Variants in RPA2 observed in about 807,000 individuals in gnomAD.
RPA2 encodes replication protein A2.
RPA2 carries 22 observed loss-of-function variants against 33.4 expected under a neutral mutation model. That is an observed-to-expected ratio of 0.66 (90% CI 0.47 to 0.94). The LOEUF is 0.94. Ranked by LOEUF, RPA2 falls within the 40% of genes least tolerant of loss-of-function variation. The pLI is 0.00. For synonymous variants in RPA2, 109 were observed against 114.9 expected, an observed-to-expected ratio of 0.95 and a Z score of 0.33; for missense variants, 279 against 329.9, an observed-to-expected ratio of 0.85 and a Z score of 1.19.
At chr1:27,913,925 AAG>A in intron 2 of RPA2, 136 bp downstream of exon 2, 1 of 832,928 alleles carries the variant, frequency 1.2e-6, no homozygotes, top group Non-Finnish European at 1.7e-6. Flanking sequence ...ACTTAATTAT[AAG>A]AGATGCAGAT....
chr1:27,904,455 C>A (rs1245251346), intron 4 of RPA2, among the ~76,000 whole-genome samples: 1 of 152,116 alleles, frequency 6.6e-6, no homozygotes, highest in Non-Finnish European at 1.5e-5. Flanking sequence ...TACCTCCCTG[C>A]TTGATGGCAG....
chr1:27,897,149 A>G (rs2089903929), intron 5 of RPA2, 28 bp from the exon 6 acceptor site: 1 of 1,475,430 alleles, frequency 6.8e-7, no homozygotes, highest in Admixed American at 1.7e-5. Flanking sequence ...AAAAATGTGA[A>G]TAAAATATGA....
chr1:27,899,684 TTTTTC>T (rs1237250843), intron 4 of RPA2, among the ~76,000 whole-genome samples: 1 of 151,834 alleles, frequency 6.6e-6, no homozygotes, highest in African/African-American at 2.4e-5. Context: ...ATGAACAATT[TTTTTC>T]TTTTTTTTTG....
At chr1:27,897,587 T>C (rs2089908688) in intron 5 of RPA2, 46 bp downstream of exon 5, 2 of 1,412,362 alleles carry the variant, frequency 1.4e-6, no homozygotes, top group Non-Finnish European at 1.9e-6. Flanking sequence ...ATCTAGAAAC[T>C]GCTTCATGCA....
intron 4 of RPA2, among the ~76,000 whole-genome samples, chr1:27,904,412 T>A (rs1326772961): frequency 6.6e-6 from 1 of 152,152 alleles, no homozygotes; most frequent in Non-Finnish European, 1.5e-5. Flanking sequence ...GTGCATTTTA[T>A]ATGAACAAGT....
chr1:27,899,776 G>A (rs1408350960), intron 4 of RPA2, among the ~76,000 whole-genome samples: 2 of 152,064 alleles, frequency 1.3e-5, no homozygotes, highest in Admixed American at 6.5e-5. Flanking sequence ...CGCCTTATGG[G>A]TTCACACCAT....
rs1411978152 is a variant in RPA2 at position 27,907,102 on chromosome 1, C to T, written c.220-61G>A. 14 of 1,569,238 alleles carry T rather than the reference C, an allele frequency of 8.9e-6. No individual in the cohort carries two copies. The East Asian group carries it at 2.2e-4, about 25-fold the overall frequency. Reference sequence around the variant, plus strand: ...CTGGTTCCCCCTGAAACCAAGGCTACATTTTTGTATTTTTTAATGAAGTCT... The same window carrying T: ...CTGGTTCCCCCTGAAACCAAGGCTATATTTTTGTATTTTTTAATGAAGTCT... On this transcript the variant is annotated intron_variant, in intron 3 of 8. Coordinates refer to ENST00000373912, the MANE Select transcript of RPA2 (RefSeq NM_002946.5).
chr1:27,897,533 C>T, intron 5 of RPA2, 100 bp downstream of exon 5: 1 of 725,890 alleles, frequency 1.4e-6, no homozygotes, highest in South Asian at 2.7e-5. Flanking sequence ...TCCCATTAAA[C>T]AGGGAGACTT....
chr1:27,898,709 T>TTAATTTTTTTG, intron 4 of RPA2, among the ~76,000 whole-genome samples: 1 of 151,122 alleles, frequency 6.6e-6, no homozygotes, highest in Admixed American at 6.6e-5. Context: ...CCACACCTGG[T>TTAATTTTTTTG]TAATTTTTTT....
intron 4 of RPA2, among the ~76,000 whole-genome samples, chr1:27,904,993 T>A (rs28988929): frequency 0.033 from 4,983 of 152,228 alleles, 270 homozygotes; most frequent in African/African-American, 0.11. Context: ...AATGAATGTA[T>A]TTCAAAAACA....
Position 27,891,704 on chromosome 1 carries a change from C to T in RPA2, c.*459G>A, listed in dbSNP as rs573925060. The T allele has an allele frequency of 4.0e-4, 61 of 154,428 alleles. No individual in the cohort carries two copies. Among genetic ancestry groups the T allele is most frequent in the Middle Eastern group, 6.8e-3 (2 of 294 alleles). 9.6% of individuals were successfully genotyped at this position (154,428 alleles called of 1,614,324 possible). On this transcript the variant is annotated 3_prime_UTR_variant, in exon 9 of 9. Coordinates refer to ENST00000373912, the MANE Select transcript of RPA2 (RefSeq NM_002946.5). ...AAAAGTCATGACAAGCAGGAAAGTG[C>T]AATTCTGAAAGTAATGCCACACAAC...
Position 27,914,074 on chromosome 1 carries a change from C to A in RPA2, c.106G>T (p.Glu36Ter). The change falls in exon 2 of 9, where the codon GAA becomes TAA. Residue 36 changes from glutamate (E) to a stop codon, truncating the protein, a stop_gained. Transcript: ENST00000373912. LOFTEE classifies it high-confidence loss of function. Reference protein sequence around the residue: ...GFGSPAPSQAEKKSRARAQHI... With the variant: ...GFGSPAPSQA ...TCCTTTCAACCTACTGATTTCTTTT[C>A]GGCTTGAGAAGGTGCGGGCGATCCA... 6.3e-7 allele frequency: 1 copy of A among 1,593,518 alleles called. No homozygotes were observed. Among genetic ancestry groups the A allele is most frequent in the East Asian group, 2.2e-5 (1 of 44,622 alleles).
chr1:27,900,350 G>A (rs2089953140), intron 4 of RPA2, among the ~76,000 whole-genome samples: 1 of 152,070 alleles, frequency 6.6e-6, no homozygotes, highest in African/African-American at 2.4e-5. Flanking sequence ...GGCCTCAAGT[G>A]ATCCACCTGC....
At chr1:27,912,302 G>T (rs2090107432) in intron 2 of RPA2, among the ~76,000 whole-genome samples, 1 of 152,012 alleles carries the variant, frequency 6.6e-6, no homozygotes, top group African/African-American at 2.4e-5. Flanking sequence ...TCAGCACTTT[G>T]GGAGGCTGAG....
chr1:27,907,221 A>G lies in RPA2; in HGVS notation c.179T>C (p.Val60Ala). ...TISQLLSATL[V>A]DEVFRIGNVE... is the part of the protein sequence containing the mutation. ...ATTCCCAATTCTGAACACTTCATCA[A>G]CCAAAGTGGCAGAAAGCAGCTGAGA... Residue 60 changes from valine (V) to alanine (A), a missense_variant, in exon 3 of 9, where the codon GTT (valine) becomes GCT (alanine). Val to Ala is a moderately conservative substitution (Grantham distance 64, BLOSUM62 0). This residue lies in a region of RPA2 where 274 missense variants were observed against 310.3 expected (regional missense o/e 0.88). Coordinates refer to ENST00000373912, the MANE Select transcript of RPA2 (RefSeq NM_002946.5). The G allele has an allele frequency of 6.2e-7, 1 of 1,614,132 alleles. No individual in the cohort carries two copies. The highest frequency in any genetic ancestry group is 8.5e-7 in the Non-Finnish European group (1 of 1,179,994).
intron 4 of RPA2, among the ~76,000 whole-genome samples, chr1:27,902,287 T>G (rs2089977399): frequency 1.9e-5 from 1 of 51,978 alleles, no homozygotes; most frequent in Non-Finnish European, 4.1e-5. Context: ...TTACGTATAC[T>G]TTTTTTTTTT....
intron 6 of RPA2, among the ~76,000 whole-genome samples, chr1:27,896,518 T>TG (rs2089894198): frequency 6.6e-6 from 1 of 152,184 alleles, no homozygotes; most frequent in Non-Finnish European, 1.5e-5. Flanking sequence ...TGGTCCTAGA[T>TG]GGACTTGTCA....
chr1:27,902,286 C>CTT (rs11384286), intron 4 of RPA2, among the ~76,000 whole-genome samples: 202 of 139,008 alleles, frequency 1.5e-3, no homozygotes, highest in East Asian at 3.1e-3. Context: ...TTTACGTATA[C>CTT]TTTTTTTTTT....
At chr1:27,905,468 A>G (rs1407485351) in intron 4 of RPA2, among the ~76,000 whole-genome samples, 1 of 151,160 alleles carries the variant, frequency 6.6e-6, no homozygotes, top group Non-Finnish European at 1.5e-5. Context: ...TAATTTTTGT[A>G]TTTTTAGGAG....
Sources: gnomAD v4.1 joint callset for allele counts (sites outside exome capture counted in the v4.1 genomes callset) on GRCh38, gnomAD v4.1.1 for gene constraint, gnomAD v4.1.1 regional missense constraint, MANE v1.5 for transcripts, NCBI Gene and HGNC (gene_info 2026-07-23, HGNC 2026-07-21) for gene names.